XKR5: variants seen among roughly 807,000 people sequenced by gnomAD.
XKR5 encodes XK related 5, also known as XK-related protein 5.
XKR5 carries 46 observed loss-of-function variants against 40.8 expected under a neutral mutation model. The observed-to-expected ratio is 1.13, with a 90% CI of 0.89 to 1.44. XKR5 has a LOEUF of 1.44. Ranked by LOEUF, XKR5 falls within the 40% of genes most tolerant of loss-of-function variation. The pLI, the probability that XKR5 is intolerant of heterozygous loss-of-function variation, is 0.00. For missense variants in XKR5, 1,169 were observed against 844.7 expected (o/e 1.38, Z -4.76); for synonymous variants, 466 against 356.1 (o/e 1.31, Z -3.48).
chr8:6,823,749 G>C lies in XKR5; in HGVS notation c.428-19C>G, dbSNP rs1480238163. On this transcript the variant is annotated intron_variant, in intron 3 of 6. Transcript: ENST00000618742. ...CTCACCCCTGAAAGGGAAGCAGAAAGATGTGGTATGCTCTGAAGATTCCGA... is the reference window on the plus strand; with the variant it reads ...CTCACCCCTGAAAGGGAAGCAGAAACATGTGGTATGCTCTGAAGATTCCGA... The C allele has an allele frequency of 3.9e-6, 6 of 1,544,462 alleles. No individual in the cohort carries two copies. Among genetic ancestry groups the C allele is most frequent in the Non-Finnish European group, 5.3e-6 (6 of 1,140,186 alleles).
chr8:6,834,701 A>T (rs1407423070), intron 1 of XKR5, among the ~76,000 whole-genome samples: 1 of 146,924 alleles, frequency 6.8e-6, no homozygotes, highest in African/African-American at 2.7e-5. Flanking sequence ...CTGCCCGGGA[A>T]AAAGCTTCCG....
chr8:6,815,817 TC>T lies in XKR5; in HGVS notation c.908del (p.Gly303AspfsTer3). ...SLQTIAGVLS[G>X]FLIGSVSLVI... ...GACATTGGGACTTACCAATCAGAAA[TC>T]CAGACAGGACCCCAGCTATGGTCTG... On this transcript the variant is annotated frameshift_variant, in exon 6 of 7. Coordinates refer to ENST00000618742, the MANE Select transcript of XKR5 (RefSeq NM_207411.5). LOFTEE classifies it low-confidence loss of function (END_TRUNC). 6.2e-7 allele frequency: 1 copy of T among 1,600,408 alleles called. No homozygotes were observed. The highest frequency in any genetic ancestry group is 1.7e-5 in the Admixed American group (1 of 58,314).
chr8:6,823,496 T>C (rs1173319268), intron 4 of XKR5, 25 bp downstream of exon 4: 10 of 1,562,982 alleles, frequency 6.4e-6, no homozygotes, highest in East Asian at 2.4e-5. Flanking sequence ...CAGCAACAGA[T>C]GACCAGATCA....
At chr8:6,815,984 G>A (rs1007588843) in intron 5 of XKR5, 66 bp from the exon 6 acceptor site, 39 of 1,275,434 alleles carry the variant, frequency 3.1e-5, no homozygotes, top group South Asian at 1.9e-4. Context: ...CCCCCGTCCC[G>A]TGAGTCTGCA....
intron 2 of XKR5, among the ~76,000 whole-genome samples, chr8:6,827,160 A>C (rs1804528234): frequency 6.6e-6 from 1 of 152,098 alleles, no homozygotes; most frequent in African/African-American, 2.4e-5. Context: ...TCTCACCTGG[A>C]GGTCAGATTT....
chr8:6,828,791 C>T (rs1417238299), intron 2 of XKR5, among the ~76,000 whole-genome samples: 1 of 152,222 alleles, frequency 6.6e-6, no homozygotes, highest in African/African-American at 2.4e-5. Context: ...TGCTCAAACC[C>T]TTCCAACAGG....
At chr8:6,818,302 G>A (rs1456758762) in intron 5 of XKR5, among the ~76,000 whole-genome samples, 3 of 152,202 alleles carry the variant, frequency 2.0e-5, no homozygotes, top group African/African-American at 7.2e-5. Flanking sequence ...AGCACATCGT[G>A]CAGGTCCCCT....
At position 6,811,919 on chromosome 8, in the gene XKR5, T is replaced by C; in HGVS notation, c.1340A>G (p.Lys447Arg). Reference protein sequence around the residue: ...GLSQQDYLQRKALSAQQELPS... With the variant: ...GLSQQDYLQRRALSAQQELPS... The stretch of plus-strand genomic sequence containing the variant: ...GAGCTCTTGCTGGGCAGACAAGGCC[T>C]TTCTCTGCAGGTAGTCCTGTTGACT... The change falls in exon 7 of 7, where the codon AAG becomes AGG. Residue 447 changes from lysine to arginine, a missense_variant. By Grantham distance (26) the Lys-to-Arg change is conservative. Coordinates refer to ENST00000618742, the MANE Select transcript of XKR5 (RefSeq NM_207411.5). The C allele has an allele frequency of 6.5e-7, 1 of 1,537,390 alleles. No homozygotes were observed. The highest frequency in any genetic ancestry group is 1.2e-5 in the South Asian group (1 of 84,062).
intron 5 of XKR5, among the ~76,000 whole-genome samples, chr8:6,818,327 C>G (rs1048283092): frequency 3.3e-5 from 5 of 152,222 alleles, no homozygotes; most frequent in African/African-American, 4.8e-5. Flanking sequence ...AAACCCTTCC[C>G]TGACTTTCCC....
intron 2 of XKR5, among the ~76,000 whole-genome samples, chr8:6,825,949 G>C (rs191803262): frequency 1.3e-5 from 2 of 152,130 alleles, no homozygotes; most frequent in African/African-American, 4.8e-5. Context: ...ATGTGGTCCC[G>C]GTGAAGTAGA....
At position 6,811,124 on chromosome 8, in the gene XKR5, G is replaced by T; in HGVS notation, c.*74C>A. On this transcript the variant is annotated 3_prime_UTR_variant, in exon 7 of 7. Coordinates refer to ENST00000618742, the MANE Select transcript of XKR5 (RefSeq NM_207411.5). ...CCCAAGGACACAGGTGTCAGAAGTG[G>T]GATTTCCTTTCTCACGGTACCAAAT... is the stretch of plus-strand genomic sequence containing the variant. The T allele has an allele frequency of 7.1e-7, 1 of 1,402,534 alleles. No homozygotes were observed. The highest frequency in any genetic ancestry group is 9.5e-7 in the Non-Finnish European group (1 of 1,055,396). The allele number at this position is 1,402,534 out of a possible 1,614,324, so 86.9% of individuals were successfully genotyped here.
chr8:6,820,207 G>T (rs1804170677), intron 5 of XKR5, among the ~76,000 whole-genome samples: 1 of 152,250 alleles, frequency 6.6e-6, no homozygotes, highest in Non-Finnish European at 1.5e-5. Flanking sequence ...CAAGCCCCCG[G>T]GCTAGGACTG....
chr8:6,821,871 T>C lies in XKR5; in HGVS notation c.805A>G (p.Met269Val). The stretch of plus-strand genomic sequence containing the variant: ...GGATAAAGAAAAGTGCCACTTGCCA[T>C]GTAGAACGTGACCATCCTATTTCTA... ...PSRNRMVTFY[M>V]VMLLENIILL... is the part of the protein sequence containing the mutation. The change falls in exon 5 of 7, where the codon ATG becomes GTG. Residue 269 changes from methionine (M) to valine (V), a missense_variant and splice_region_variant. Physicochemically the swap from Met to Val is conservative, Grantham distance 21. Transcript: ENST00000618742. The C allele has an allele frequency of 4.3e-6, 7 of 1,612,980 alleles. No individual in the cohort carries two copies. The highest frequency in any genetic ancestry group is 3.3e-5 in the South Asian group (3 of 90,806).
In XKR5 at chr8:6,809,119, G is replaced by A. The variant is rs1245602004; in HGVS notation, c.*2079C>T. ...AGAGCTGGAGCTGGGGAGGGCCCAGGAAGGCACCAAGAGGAGATGTTTGAG... is the reference window on the plus strand; with the variant it reads ...AGAGCTGGAGCTGGGGAGGGCCCAGAAAGGCACCAAGAGGAGATGTTTGAG... On this transcript the variant is annotated 3_prime_UTR_variant, in exon 7 of 7. Coordinates refer to ENST00000618742, the MANE Select transcript of XKR5 (RefSeq NM_207411.5). 4 of 152,550 alleles carry A rather than the reference G, an allele frequency of 2.6e-5. No homozygotes were observed. The highest frequency in any genetic ancestry group is 7.2e-5 in the African/African-American group (3 of 41,428). The allele number at this position is 152,550 out of a possible 1,614,324, so 9.4% of individuals were successfully genotyped here.
chr8:6,824,469 G>A (rs1275717359), intron 3 of XKR5, among the ~76,000 whole-genome samples: 1 of 152,156 alleles, frequency 6.6e-6, no homozygotes, highest in East Asian at 1.9e-4. Flanking sequence ...GCTGGGGCCT[G>A]AGTTGTTCTC....
chr8:6,823,872 A>T lies in XKR5; in HGVS notation c.428-142T>A, dbSNP rs895825781. 1.0e-5 allele frequency: 7 copies of T among 680,968 alleles called. No homozygotes were observed. The African/African-American group carries it at 1.3e-4, about 12-fold the overall frequency. 42.2% of individuals were successfully genotyped at this position (680,968 alleles called of 1,614,324 possible). ...GCTGCACAGAGAGTATTACTAACCC[A>T]CCACTTTGACCAGTAGGTAACATAA... On this transcript the variant is annotated intron_variant, in intron 3 of 6. Coordinates refer to ENST00000618742, the MANE Select transcript of XKR5 (RefSeq NM_207411.5).
chr8:6,821,630 C>A (rs373390467), intron 5 of XKR5, among the ~76,000 whole-genome samples: 24 of 152,264 alleles, frequency 1.6e-4, no homozygotes, highest in African/African-American at 5.8e-4. Flanking sequence ...CCAAATATGC[C>A]TCAGTTGTTG....
chr8:6,828,964 C>T lies in XKR5; in HGVS notation c.243-3615G>A, dbSNP rs73661486. On this transcript the variant is annotated intron_variant, in intron 2 of 6. Coordinates refer to ENST00000618742, the MANE Select transcript of XKR5 (RefSeq NM_207411.5). ...TTTCCCATATACACCACTTCTGGCA[C>T]GCATCTATGTCTTTGCACCAGCGGC... 4.7e-3 allele frequency among the ~76,000 whole-genome samples: 723 copies of T among 152,280 alleles called. 5 individuals carry two copies. The highest frequency in any genetic ancestry group is 0.016 in the African/African-American group (675 of 41,566).
intron 4 of XKR5, among the ~76,000 whole-genome samples, chr8:6,822,366 G>A (rs1804280074): frequency 1.3e-5 from 2 of 152,136 alleles, no homozygotes; most frequent in African/African-American, 4.8e-5. Context: ...TTATAAAACT[G>A]ACTGCCAATT....
Sources: allele counts gnomAD v4.1 joint callset (sites outside exome capture counted in the v4.1 genomes callset), GRCh38; gene constraint gnomAD v4.1.1; transcripts MANE v1.5; gene names NCBI Gene and HGNC (gene_info 2026-07-23, HGNC 2026-07-21).